The following AFG2A variants were observed in gnomAD, a reference collection of about 807,000 sequenced individuals.
AFG2A encodes the protein AAA ATPase AFG2A, also known as ATPase family gene 2 protein homolog A.
chr4:123,221,649 G>A, the AFG2A span, among the ~76,000 whole-genome samples: 3 of 152,044 alleles, frequency 2.0e-5, no homozygotes, highest in Non-Finnish European at 2.9e-5. Context: ...AAATGGCCAG[G>A]CACAGTGGCT....
the AFG2A span, among the ~76,000 whole-genome samples, chr4:123,131,547 C>T: frequency 6.6e-6 from 1 of 152,106 alleles, no homozygotes; most frequent in African/African-American, 2.4e-5. Flanking sequence ...ATGAATTTGA[C>T]TGCTCTGGAT....
At chr4:123,215,474 T>A in the AFG2A span, among the ~76,000 whole-genome samples, 2 of 152,070 alleles carry the variant, frequency 1.3e-5, no homozygotes, top group African/African-American at 4.8e-5. Context: ...CATGGTCCAG[T>A]CCCTCTCCTT....
chr4:123,056,361 T>C, the AFG2A span: 3 of 1,599,098 alleles, frequency 1.9e-6, no homozygotes, highest in South Asian at 2.3e-5. Flanking sequence ...ATAAAGACAC[T>C]GAACAGTTGT....
At chr4:122,986,971 T>C in the AFG2A span, among the ~76,000 whole-genome samples, 1 of 152,158 alleles carries the variant, frequency 6.6e-6, no homozygotes, top group African/African-American at 2.4e-5. Flanking sequence ...TTCGGTTCTT[T>C]TAAAATTTTC....
At chr4:123,057,016 A>G in the AFG2A span, among the ~76,000 whole-genome samples, 1 of 152,216 alleles carries the variant, frequency 6.6e-6, no homozygotes, top group South Asian at 2.1e-4. Flanking sequence ...TTGTCTCTTT[A>G]AGCACTATTG....
the AFG2A span, among the ~76,000 whole-genome samples, chr4:123,077,884 A>T: frequency 5.9e-4 from 90 of 152,350 alleles, 1 homozygote; most frequent in Middle Eastern, 0.017. Flanking sequence ...CACTAATTCC[A>T]GAACATTTCC....
the AFG2A span, among the ~76,000 whole-genome samples, chr4:123,091,349 A>G: frequency 6.6e-6 from 1 of 152,194 alleles, no homozygotes; most frequent in Non-Finnish European, 1.5e-5. Context: ...TTACATTTTT[A>G]TTGCTTATGA....
the AFG2A span, among the ~76,000 whole-genome samples, chr4:122,982,988 C>T: frequency 5.3e-5 from 8 of 150,320 alleles, no homozygotes; most frequent in African/African-American, 2.0e-4. Flanking sequence ...CTGCCTCAAC[C>T]TCCTGAGTAG....
the AFG2A span, among the ~76,000 whole-genome samples, chr4:123,252,024 A>G: frequency 1.3e-5 from 2 of 152,126 alleles, no homozygotes; most frequent in Admixed American, 6.6e-5. Flanking sequence ...GAGATGTTCC[A>G]TGATTAGAGT....
the AFG2A span, among the ~76,000 whole-genome samples, chr4:123,188,938 A>T: frequency 2.0e-5 from 3 of 152,260 alleles, no homozygotes; most frequent in East Asian, 3.9e-4. Context: ...TTCTAAATGC[A>T]TTTTCTTCTT....
At chr4:122,964,755 C>T in the AFG2A span, among the ~76,000 whole-genome samples, 1 of 152,020 alleles carries the variant, frequency 6.6e-6, no homozygotes, top group African/African-American at 2.4e-5. Flanking sequence ...TAGACTGGCT[C>T]CTTTGATCAG....
chr4:122,980,504 T>G, the AFG2A span, among the ~76,000 whole-genome samples: 1 of 151,140 alleles, frequency 6.6e-6, no homozygotes, highest in African/African-American at 2.5e-5. Flanking sequence ...CTTCATTTCC[T>G]TTTGATATGT....
the AFG2A span, among the ~76,000 whole-genome samples, chr4:122,945,126 A>T: frequency 2.0e-5 from 3 of 152,168 alleles, no homozygotes; most frequent in Non-Finnish European, 4.4e-5. Context: ...CTGTTCTCAG[A>T]TCTCCAGCTG....
the AFG2A span, among the ~76,000 whole-genome samples, chr4:123,275,675 T>C: frequency 6.6e-6 from 1 of 152,208 alleles, no homozygotes; most frequent in Non-Finnish European, 1.5e-5. Flanking sequence ...TAGGCCCCAG[T>C]GTCTGTTGTT....
the AFG2A span, among the ~76,000 whole-genome samples, chr4:123,080,316 C>T: frequency 2.0e-5 from 3 of 152,210 alleles, no homozygotes; most frequent in African/African-American, 7.2e-5. Flanking sequence ...GAGGACACAG[C>T]GAGACCGCAG....
chr4:123,042,396 C>T, the AFG2A span, among the ~76,000 whole-genome samples: 1 of 152,126 alleles, frequency 6.6e-6, no homozygotes, highest in Non-Finnish European at 1.5e-5. Context: ...TAATCTCATT[C>T]ATGAGGGCTC....
the AFG2A span, among the ~76,000 whole-genome samples, chr4:123,291,812 C>T: frequency 1.3e-5 from 2 of 152,202 alleles, no homozygotes; most frequent in Non-Finnish European, 2.9e-5. Context: ...CCTTCATTCA[C>T]ATTGACGTTA....
At chr4:122,926,990 A>T in the AFG2A span, among the ~76,000 whole-genome samples, 1 of 151,856 alleles carries the variant, frequency 6.6e-6, no homozygotes, top group African/African-American at 2.4e-5. Flanking sequence ...GAGGAGGGAC[A>T]CCTAACTAAA....
the AFG2A span, among the ~76,000 whole-genome samples, chr4:122,951,851 C>T: frequency 2.0e-5 from 3 of 152,172 alleles, no homozygotes; most frequent in Admixed American, 2.0e-4. Context: ...CCCTGTCTAT[C>T]CTGTATGAAG....
Sources: allele counts gnomAD v4.1 joint callset (sites outside exome capture counted in the v4.1 genomes callset), GRCh38; gene constraint gnomAD v4.1.1; transcripts MANE v1.5; gene names NCBI Gene and HGNC (gene_info 2026-07-23, HGNC 2026-07-21).